Variants in TBC1D24 observed in about 807,000 individuals in gnomAD.
The protein encoded by TBC1D24 is TBC1 domain family member 24.
A neutral mutation model predicts 50.7 loss-of-function variants in TBC1D24; 47 were observed. The observed-to-expected ratio is 0.93, with a 90% CI of 0.73 to 1.18. The LOEUF (loss-of-function observed/expected upper bound fraction) is 1.18, where lower values mean the gene tolerates loss of function less well. Among genes scored for constraint, TBC1D24 ranks in the 50% most tolerant of loss-of-function variants. TBC1D24 has a pLI of 0.00. For synonymous variants in TBC1D24, 324 were observed against 335.2 expected (o/e 0.97, Z 0.36); for missense variants, 688 against 766.5 (o/e 0.90, Z 1.21).
At chr16:2,491,925 T>C (rs970476197) in intron 1 of TBC1D24, among the ~76,000 whole-genome samples, 6 of 152,084 alleles carry the variant, frequency 3.9e-5, no homozygotes, top group Non-Finnish European at 7.4e-5. Flanking sequence ...CTTGAACTCC[T>C]GGGCTTGGCG....
chr16:2,495,851 A>G (rs1255886328), intron 1 of TBC1D24, among the ~76,000 whole-genome samples, 183 bp from the exon 2 acceptor site: 2 of 152,058 alleles, frequency 1.3e-5, no homozygotes, highest in Admixed American at 6.5e-5. Context: ...AGGCAGGAAG[A>G]TGGTTCAAGC....
Position 2,496,553 on chromosome 16 carries a change from G to T in TBC1D24, c.405G>T (p.Pro135=). 2 of 1,608,502 alleles carry T rather than the reference G, an allele frequency of 1.2e-6. No individual in the cohort carries two copies. The highest frequency in any genetic ancestry group is 2.2e-5 in the South Asian group (2 of 91,082). ...FPDISFCPAL[P]AVVALLLHYS... is the part of the protein sequence containing the mutation. ...ACATCTCCTTCTGCCCCGCCCTGCC[G>T]GCCGTGGTGGCCCTGCTGCTGCACT... The change falls in exon 2 of 8, where the codon CCG becomes CCT. Residue 135 remains proline (P), a synonymous_variant. Coordinates refer to ENST00000646147, the MANE Select transcript of TBC1D24 (RefSeq NM_001199107.2).
intron 3 of TBC1D24, 119 bp downstream of exon 3, chr16:2,497,846 C>T: frequency 1.9e-6 from 2 of 1,052,142 alleles, no homozygotes; most frequent in Non-Finnish European, 2.8e-6. Context: ...GCAGCGCTGC[C>T]TCTGAGCCGG....
rs767145914 is a variant in TBC1D24 at position 2,500,854 on chromosome 16, C to T, written c.1576C>T (p.Arg526Cys). Residue 526 changes from arginine to cysteine, a missense_variant, in exon 8 of 8, where the codon CGC (arginine) becomes TGC (cysteine). Transcript: ENST00000646147. The surrounding 1 kb of genome is among the most constrained non-coding windows in gnomAD (Gnocchi z 8.0). ...CATCGATGGGGACCTGAACCGGGGC[C>T]GCACAAGCCACTGCGACACCTTCAA... is the stretch of plus-strand genomic sequence containing the variant. Reference protein sequence around the residue: ...LYIDGDLNRGRTSHCDTFNNQ... With the variant: ...LYIDGDLNRGCTSHCDTFNNQ... 17 of 1,610,234 alleles carry T rather than the reference C, an allele frequency of 1.1e-5. No individual in the cohort carries two copies. The highest frequency in any genetic ancestry group is 5.5e-5 in the South Asian group (5 of 91,068).
rs1042277348 is a variant in TBC1D24 at position 2,483,528 on chromosome 16, G to A, written c.-116+8358G>A. 6.6e-6 allele frequency: 1 copy of A among 152,454 alleles called. No homozygotes were observed. The highest frequency in any genetic ancestry group is 2.4e-5 in the African/African-American group (1 of 41,438). The allele number at this position is 152,454 out of a possible 1,614,324, so 9.4% of individuals were successfully genotyped here. A position where few individuals can be genotyped will look rare whatever the true frequency, so the allele number is the denominator to read the frequency against. ...GGGCTCTAGGAGAGGGTATGGGCAG[G>A]TGTATGAATGTGCAGCCTCTGGAGT... On this transcript the variant is annotated intron_variant, in intron 1 of 7. Transcript: ENST00000646147. The surrounding 1 kb of genome is among the most constrained non-coding windows in gnomAD (Gnocchi z 4.0).
Position 2,497,124 on chromosome 16 carries a change from G to A in TBC1D24, c.965+11G>A, listed in dbSNP as rs568663296. On this transcript the variant is annotated intron_variant, in intron 2 of 7. Coordinates refer to ENST00000646147, the MANE Select transcript of TBC1D24 (RefSeq NM_001199107.2). ...CGTGAAGCAGAAGAGGTAGGTCGCC[G>A]GCAGCCTGTGAGGGGTACACCCAGG... 580 of 1,598,970 alleles carry A rather than the reference G, an allele frequency of 3.6e-4. 9 individuals carry two copies. In the South Asian group the frequency reaches 6.0e-3, roughly 17 times the overall value.
Position 2,499,957 on chromosome 16 carries a change from C to G in TBC1D24, c.1302+27C>G, listed in dbSNP as rs2065777154. The G allele has an allele frequency of 6.3e-7, 1 of 1,597,574 alleles. No homozygotes were observed. Among genetic ancestry groups the G allele is most frequent in the Non-Finnish European group, 8.6e-7 (1 of 1,164,986 alleles). Reference sequence around the variant, plus strand: ...TGAGTGGGGCCAAGTGTCCCCAAACCCCCACGCAGACCCTGTAGCTGCATC... The same window carrying G: ...TGAGTGGGGCCAAGTGTCCCCAAACGCCCACGCAGACCCTGTAGCTGCATC... On this transcript the variant is annotated intron_variant, in intron 6 of 7. Transcript: ENST00000646147. This position sits in a 1 kb window ranked among gnomAD's most constrained non-coding sequence, Gnocchi z 4.0.
In TBC1D24 at chr16:2,475,513, C is replaced by T. The variant is rs1412345743; in HGVS notation, c.-116+343C>T. Reference sequence around the variant, plus strand: ...GTCACTGTTTCCTTGGGGCGCTTTCCGTCTCCGCAGGGTCGGAAATCCTCT... The same window carrying T: ...GTCACTGTTTCCTTGGGGCGCTTTCTGTCTCCGCAGGGTCGGAAATCCTCT... On this transcript the variant is annotated intron_variant, in intron 1 of 7. Transcript: ENST00000646147. The surrounding 1 kb of genome is among the most constrained non-coding windows in gnomAD (Gnocchi z 4.2). Among the ~76,000 whole-genome samples the T allele has an allele frequency of 1.3e-5, 2 of 152,028 alleles. No homozygotes were observed. The highest frequency in any genetic ancestry group is 2.9e-5 in the Non-Finnish European group (2 of 67,930).
rs1343420514 is a variant in TBC1D24, at chr16:2,504,523, A to T, written c.*3565A>T. On this transcript the variant is annotated 3_prime_UTR_variant, in exon 8 of 8. Transcript: ENST00000646147. ...AAGCCCCGCCTCCCGGATTCACGCC[A>T]TTCTCCTGCCTCAGCCTCCTGAGTA... is the stretch of plus-strand genomic sequence containing the variant. 1 of 144,548 alleles carries T rather than the reference A, an allele frequency of 6.9e-6. No homozygotes were observed. The highest frequency in any genetic ancestry group is 2.6e-5 in the African/African-American group (1 of 38,262). 9.0% of individuals were successfully genotyped at this position (144,548 alleles called of 1,614,324 possible).
Position 2,496,211 on chromosome 16 carries a change from C to T in TBC1D24, c.63C>T (p.Asp21=). Residue 21 remains aspartate (D), a synonymous_variant, in exon 2 of 8, where the codon GAC becomes GAT. Coordinates refer to ENST00000646147, the MANE Select transcript of TBC1D24 (RefSeq NM_001199107.2). ...DKDKMDAAIQ[D]LGPKELSCTE... The stretch of plus-strand genomic sequence containing the variant: ...ACAAGATGGACGCTGCCATCCAGGA[C>T]CTGGGGCCCAAGGAGCTGAGCTGCA... 2 of 1,613,944 alleles carry T rather than the reference C, an allele frequency of 1.2e-6. No individual in the cohort carries two copies. The highest frequency in any genetic ancestry group is 1.7e-6 in the Non-Finnish European group (2 of 1,180,008).
At position 2,496,380 on chromosome 16, in the gene TBC1D24, G is replaced by A. The variant is rs776539630; in HGVS notation, c.232G>A (p.Val78Met). ...TPDASVYSDI[V>M]GKIVGKHSSS... ...TGACGCCAGCGTGTACAGCGACATCGTGGGCAAGATCGTGGGCAAGCACAG... is the reference window on the plus strand; with the variant it reads ...TGACGCCAGCGTGTACAGCGACATCATGGGCAAGATCGTGGGCAAGCACAG... The change falls in exon 2 of 8, where the codon GTG becomes ATG. Residue 78 changes from valine to methionine, a missense_variant. Physicochemically the swap from Val to Met is conservative, Grantham distance 21. Coordinates refer to ENST00000646147, the MANE Select transcript of TBC1D24 (RefSeq NM_001199107.2). The A allele has an allele frequency of 8.1e-6, 13 of 1,613,176 alleles. No individual in the cohort carries two copies. The highest frequency in any genetic ancestry group is 2.2e-5 in the East Asian group (1 of 44,866).
rs1474783897 is a variant in TBC1D24, at chr16:2,499,277, C to G, written c.1143-80C>G. ...CAGTTCCCAGGTCTTCGCCCCAAGA[C>G]AGCTGGGGCCAGCGGAGGCTGCAGG... On this transcript the variant is annotated intron_variant, in intron 4 of 7. Coordinates refer to ENST00000646147, the MANE Select transcript of TBC1D24 (RefSeq NM_001199107.2). This position sits in a 1 kb window ranked among gnomAD's most constrained non-coding sequence, Gnocchi z 4.0. 1.5e-6 allele frequency: 2 copies of G among 1,331,712 alleles called. No homozygotes were observed. Among genetic ancestry groups the G allele is most frequent in the South Asian group, 1.2e-5 (1 of 81,234 alleles). The allele number at this position is 1,331,712 out of a possible 1,614,324, so 82.5% of individuals were successfully genotyped here.
At position 2,503,890 on chromosome 16, in the gene TBC1D24, T is replaced by C. The variant is rs1410260949; in HGVS notation, c.*2932T>C. The C allele has an allele frequency of 6.6e-6, 1 of 152,172 alleles. No homozygotes were observed. Among genetic ancestry groups the C allele is most frequent in the African/African-American group, 2.4e-5 (1 of 41,434 alleles). The allele number at this position is 152,172 out of a possible 1,614,324, so 9.4% of individuals were successfully genotyped here. A position where few individuals can be genotyped will look rare whatever the true frequency, so the allele number is the denominator to read the frequency against. On this transcript the variant is annotated 3_prime_UTR_variant, in exon 8 of 8. Coordinates refer to ENST00000646147, the MANE Select transcript of TBC1D24 (RefSeq NM_001199107.2). ...TTTAATTTTTTTGAATAGACCACTTTGTGCTGAATAAATGTTTAACATTTA... is the reference window on the plus strand; with the variant it reads ...TTTAATTTTTTTGAATAGACCACTTCGTGCTGAATAAATGTTTAACATTTA...
chr16:2,504,071 A>G lies in TBC1D24; in HGVS notation c.*3113A>G, dbSNP rs2065815422. 1 of 152,146 alleles carries G rather than the reference A, an allele frequency of 6.6e-6. No homozygotes were observed. Among genetic ancestry groups the G allele is most frequent in the Non-Finnish European group, 1.5e-5 (1 of 68,018 alleles). The allele number at this position is 152,146 out of a possible 1,614,324, so 9.4% of individuals were successfully genotyped here. On this transcript the variant is annotated 3_prime_UTR_variant, in exon 8 of 8. Coordinates refer to ENST00000646147, the MANE Select transcript of TBC1D24 (RefSeq NM_001199107.2). ...TTGAATTTTTTCAGAGTTTTAATGA[A>G]CTAAAGTATTTTAATTTTTCTATTT...
At chr16:2,481,088 G>C (rs1358988534) in intron 1 of TBC1D24, 8 of 152,284 alleles carry the variant, frequency 5.3e-5, no homozygotes, top group African/African-American at 1.9e-4. Flanking sequence ...TCCAGCCGAG[G>C]CAGGCCTTGG....
Position 2,496,723 on chromosome 16 carries a change from A to G in TBC1D24, c.575A>G (p.Gln192Arg), listed in dbSNP as rs764927184. 1 of 1,613,786 alleles carries G rather than the reference A, an allele frequency of 6.2e-7. No homozygotes were observed. The highest frequency in any genetic ancestry group is 8.5e-7 in the Non-Finnish European group (1 of 1,180,038). ...TFGDLVNKYC[Q>R]AAHKLMVAVS... The stretch of plus-strand genomic sequence containing the variant: ...GGGGACCTGGTGAACAAGTACTGCC[A>G]GGCGGCCCACAAGCTGATGGTGGCC... The change falls in exon 2 of 8, where the codon CAG (glutamine) becomes CGG (arginine). Residue 192 changes from glutamine to arginine, a missense_variant. Physicochemically the swap from Gln to Arg is conservative, Grantham distance 43. Transcript: ENST00000646147.
Position 2,499,342 on chromosome 16 carries a change from G to A in TBC1D24, c.1143-15G>A, listed in dbSNP as rs371213803. On this transcript the variant is annotated splice_polypyrimidine_tract_variant and intron_variant, in intron 4 of 7. Coordinates refer to ENST00000646147, the MANE Select transcript of TBC1D24 (RefSeq NM_001199107.2). This position sits in a 1 kb window ranked among gnomAD's most constrained non-coding sequence, Gnocchi z 4.0. The stretch of plus-strand genomic sequence containing the variant: ...GTGTGCAGGGTGACAGCTGGCATGC[G>A]TGTCTCTACGCCAGGTTCTACTTCC... 6.2e-4 allele frequency: 1,001 copies of A among 1,610,824 alleles called. 2 individuals are homozygous for A. The highest frequency in any genetic ancestry group is 8.1e-4 in the Non-Finnish European group (950 of 1,178,618).
Position 2,502,474 on chromosome 16 carries a change from T to G in TBC1D24, c.*1516T>G, listed in dbSNP as rs2065802231. 6.6e-6 allele frequency: 1 copy of G among 152,258 alleles called. No individual in the cohort carries two copies. The highest frequency in any genetic ancestry group is 1.5e-5 in the Non-Finnish European group (1 of 68,188). The allele number at this position is 152,258 out of a possible 1,614,324, so 9.4% of individuals were successfully genotyped here. On this transcript the variant is annotated 3_prime_UTR_variant, in exon 8 of 8. Transcript: ENST00000646147. ...TGGAGTCCCCTGCACCGTGCCACTT[T>G]CCATCCCCACACCATTGCCTGCTCC...
Position 2,500,828 on chromosome 16 carries a change from A to C in TBC1D24, c.1550A>C (p.Tyr517Ser), listed in dbSNP as rs1013318590. Residue 517 changes from tyrosine to serine, a missense_variant, in exon 8 of 8, where the codon TAC (tyrosine) becomes TCC (serine). Transcript: ENST00000646147. The surrounding 1 kb of genome is among the most constrained non-coding windows in gnomAD (Gnocchi z 8.0). ...IVGGGGGQAL[Y>S]IDGDLNRGRT... The stretch of plus-strand genomic sequence containing the variant: ...GGGGGAGGAGGCGGCCAGGCGCTCT[A>C]CATCGATGGGGACCTGAACCGGGGC... 1 of 1,607,870 alleles carries C rather than the reference A, an allele frequency of 6.2e-7. No homozygotes were observed. The highest frequency in any genetic ancestry group is 8.5e-7 in the Non-Finnish European group (1 of 1,179,864).
Sources: allele counts gnomAD v4.1 joint callset (sites outside exome capture counted in the v4.1 genomes callset), GRCh38; gene constraint gnomAD v4.1.1; non-coding constraint Gnocchi (gnomAD v3.1); transcripts MANE v1.5; gene names NCBI Gene and HGNC (gene_info 2026-07-23, HGNC 2026-07-21).